DZIP3: variants seen among roughly 807,000 people sequenced by gnomAD.
The protein encoded by DZIP3 is DAZ interacting zinc finger protein 3, also known as E3 ubiquitin-protein ligase DZIP3.
DZIP3 carries 118 observed loss-of-function variants against 162.0 expected under a neutral mutation model. The observed-to-expected ratio is 0.73, with a 90% CI of 0.63 to 0.85. DZIP3 has a LOEUF of 0.85. Among genes scored for constraint, DZIP3 ranks in the 40% least tolerant of loss-of-function variants. The pLI is 0.00. For missense variants in DZIP3, 1,331 were observed against 1,407.0 expected, an observed-to-expected ratio of 0.95 and a Z score of 0.86; for synonymous variants, 438 against 458.6, an observed-to-expected ratio of 0.96 and a Z score of 0.57.
At chr3:108,655,106 T>A (rs986321701) in intron 19 of DZIP3, among the ~76,000 whole-genome samples, 3 of 152,168 alleles carry the variant, frequency 2.0e-5, no homozygotes, top group African/African-American at 7.2e-5. Context: ...AAATATGGGA[T>A]CTCTGGTTTT....
intron 1 of DZIP3, among the ~76,000 whole-genome samples, chr3:108,593,767 C>T (rs1939559595): frequency 6.6e-6 from 1 of 151,474 alleles, no homozygotes; most frequent in African/African-American, 2.4e-5. Context: ...CCTTGACCTC[C>T]CCGGGCTTAT....
chr3:108,620,161 C>T (rs1941253807), intron 5 of DZIP3, among the ~76,000 whole-genome samples: 2 of 152,190 alleles, frequency 1.3e-5, no homozygotes, highest in African/African-American at 4.8e-5. Flanking sequence ...ACAGCATATA[C>T]GGCCACCTCC....
At chr3:108,639,442 T>C (rs1454885346) in intron 12 of DZIP3, among the ~76,000 whole-genome samples, 1 of 152,216 alleles carries the variant, frequency 6.6e-6, no homozygotes, top group African/African-American at 2.4e-5. Context: ...TCCAGATCTT[T>C]TGGCCTTAGT....
rs544718431 is a variant in DZIP3, at chr3:108,621,130, T to C, written c.376-3314T>C. ...GCCACTGCACCCAGCCAGATCATTG[T>C]ATTTTTAAAGGTGGATGGTAGATAC... On this transcript the variant is annotated intron_variant, in intron 5 of 32. Coordinates refer to ENST00000361582, the MANE Select transcript of DZIP3 (RefSeq NM_014648.4). 2.3e-3 allele frequency among the ~76,000 whole-genome samples: 350 copies of C among 152,326 alleles called. 4 individuals carry two copies. The highest frequency in any genetic ancestry group is 8.1e-3 in the African/African-American group (335 of 41,574).
intron 22 of DZIP3, among the ~76,000 whole-genome samples, 174 bp downstream of exon 22, chr3:108,669,923 G>A (rs7356065): frequency 9.9e-5 from 15 of 151,858 alleles, no homozygotes; most frequent in Admixed American, 6.6e-5. Flanking sequence ...GAGTATCTTA[G>A]GCAAATAGGG....
intron 8 of DZIP3, among the ~76,000 whole-genome samples, chr3:108,631,020 C>CAA (rs1941814047): frequency 1.6e-5 from 1 of 63,810 alleles, no homozygotes; most frequent in Non-Finnish European, 2.9e-5. Flanking sequence ...CACACACACA[C>CAA]ACACACACAC....
intron 5 of DZIP3, among the ~76,000 whole-genome samples, chr3:108,621,105 G>A (rs180850461): frequency 7.9e-4 from 121 of 152,326 alleles, no homozygotes; most frequent in Middle Eastern, 3.4e-3. Context: ...ACAGGCATGA[G>A]CCACTGCACC....
In DZIP3 at chr3:108,634,866, T is replaced by G; in HGVS notation, c.817-5T>G. 4.4e-6 allele frequency: 7 copies of G among 1,592,240 alleles called. No individual in the cohort carries two copies. Among genetic ancestry groups the G allele is most frequent in the African/African-American group, 1.3e-5 (1 of 74,138 alleles). On this transcript the variant is annotated splice_polypyrimidine_tract_variant and splice_region_variant and intron_variant, in intron 9 of 32. Coordinates refer to ENST00000361582, the MANE Select transcript of DZIP3 (RefSeq NM_014648.4). ...TATTGATAACTTACTTTTATTTTTT[T>G]CCAGGGATTTTTTCAGTTAATGTGC...
At chr3:108,661,626 A>C (rs912955218) in intron 19 of DZIP3, among the ~76,000 whole-genome samples, 1 of 151,910 alleles carries the variant, frequency 6.6e-6, no homozygotes, top group African/African-American at 2.4e-5. Flanking sequence ...CCTAAAACTT[A>C]AAGTATAATA....
intron 5 of DZIP3, among the ~76,000 whole-genome samples, chr3:108,620,755 T>C (rs1342463330): frequency 2.6e-5 from 4 of 152,224 alleles, no homozygotes; most frequent in Admixed American, 1.3e-4. Context: ...ATGTTCATAC[T>C]ATTTTGCAGA....
chr3:108,624,389 G>A, intron 5 of DZIP3, 55 bp from the exon 6 acceptor site: 1 of 921,082 alleles, frequency 1.1e-6, no homozygotes, highest in Non-Finnish European at 1.8e-6. Context: ...TAAGCTTGTT[G>A]TACTGAAAAG....
rs893293183 is a variant in DZIP3 at position 108,637,013 on chromosome 3, C to A, written c.1011+305C>A. On this transcript the variant is annotated intron_variant, in intron 11 of 32. Transcript: ENST00000361582. ...ACTAAGGATAATTAATCCTTTGACA[C>A]CTAAGGTTAAAAATAATTTTAGACT... Among the ~76,000 whole-genome samples the A allele has an allele frequency of 2.0e-5, 3 of 151,872 alleles. No individual in the cohort carries two copies. In the East Asian group the frequency reaches 5.8e-4, roughly 29 times the overall value.
intron 8 of DZIP3, among the ~76,000 whole-genome samples, chr3:108,632,599 GTC>G (rs1179704110): frequency 1.3e-5 from 2 of 152,148 alleles, no homozygotes; most frequent in Non-Finnish European, 2.9e-5. Context: ...GTGATTTATT[GTC>G]TCTCTGTGTG....
At chr3:108,599,350 C>T (rs1939871773) in intron 1 of DZIP3, among the ~76,000 whole-genome samples, 1 of 152,114 alleles carries the variant, frequency 6.6e-6, no homozygotes, top group Non-Finnish European at 1.5e-5. Context: ...ATTTTAGCTA[C>T]TGGTGTCTAG....
chr3:108,664,195 T>C (rs77573578), intron 21 of DZIP3, among the ~76,000 whole-genome samples: 2,945 of 152,276 alleles, frequency 0.019, 88 homozygotes, highest in African/African-American at 0.063. Context: ...CAACCTGGAA[T>C]TGCTAATAAG....
intron 23 of DZIP3, among the ~76,000 whole-genome samples, chr3:108,673,087 A>T (rs114236796): frequency 0.019 from 2,899 of 152,114 alleles, 101 homozygotes; most frequent in African/African-American, 0.067. Flanking sequence ...TCAGACTGCC[A>T]GCTTTTTCTA....
In DZIP3 at chr3:108,688,695, A is replaced by C. The variant is rs1356830880; in HGVS notation, c.3373A>C (p.Thr1125Pro). 1 of 1,614,054 alleles carries C rather than the reference A, an allele frequency of 6.2e-7. No individual in the cohort carries two copies. The highest frequency in any genetic ancestry group is 1.7e-5 in the Admixed American group (1 of 60,012). ...CCCAAAACCAGCCTGGAGGCCACTC[A>C]CTTCACAGGGTCCTGCCACATGGGA... ...QPPKPAWRPL[T>P]SQGPATWEGA... Residue 1125 changes from threonine (T) to proline (P), a missense_variant, in exon 30 of 33, where the codon ACT becomes CCT. Around this residue, in one of 2 missense-constraint regions of DZIP3, gnomAD observed 1,278 missense variants for 1,317.1 expected, o/e 0.97. Transcript: ENST00000361582.
rs147224780 is a variant in DZIP3 at position 108,637,874 on chromosome 3, G to A, written c.1064+326G>A. On this transcript the variant is annotated intron_variant, in intron 12 of 32. Transcript: ENST00000361582. ...TTTCAAAACTTATCCAAACCACTAA[G>A]CTTGTCTTACAATTAGAATCTTCCT... Among the ~76,000 whole-genome samples, 778 of 152,182 alleles carry A rather than the reference G, an allele frequency of 5.1e-3. 4 individuals carry two copies. Among genetic ancestry groups the A allele is most frequent in the African/African-American group, 0.015 (606 of 41,536 alleles).
chr3:108,641,014 T>C (rs1391418616), intron 12 of DZIP3, among the ~76,000 whole-genome samples: 1 of 152,100 alleles, frequency 6.6e-6, no homozygotes, highest in Admixed American at 6.6e-5. Flanking sequence ...ACTGTCTTCC[T>C]TGTTGTTTTT....
Sources: gnomAD v4.1 joint callset for allele counts (sites outside exome capture counted in the v4.1 genomes callset) on GRCh38, gnomAD v4.1.1 for gene constraint, gnomAD v4.1.1 regional missense constraint, MANE v1.5 for transcripts, NCBI Gene and HGNC (gene_info 2026-07-23, HGNC 2026-07-21) for gene names.